ALDH1L1: variants seen among roughly 807,000 people sequenced by gnomAD.
ALDH1L1 encodes the protein aldehyde dehydrogenase 1 family member L1, also known as cytosolic 10-formyltetrahydrofolate dehydrogenase.
ALDH1L1 carries 68 observed loss-of-function variants against 101.1 expected under a neutral mutation model. That is an observed-to-expected ratio of 0.67 (90% CI 0.55 to 0.82). The LOEUF (loss-of-function observed/expected upper bound fraction) is 0.82, where lower values mean the gene tolerates loss of function less well. Among genes scored for constraint, ALDH1L1 ranks in the 40% least tolerant of loss-of-function variants. The probability of loss-of-function intolerance (pLI) is 0.00; values close to 1 mark genes in which losing one functional copy is unlikely to be tolerated. For missense variants in ALDH1L1, 1,087 were observed against 1,172.7 expected, an observed-to-expected ratio of 0.93 and a Z score of 1.07; for synonymous variants, 486 against 470.8, an observed-to-expected ratio of 1.03 and a Z score of -0.42.
At chr3:126,158,895 G>T (rs946894265) in intron 2 of ALDH1L1, among the ~76,000 whole-genome samples, 1 of 152,142 alleles carries the variant, frequency 6.6e-6, no homozygotes, top group Admixed American at 6.5e-5. Context: ...AACCCAGATG[G>T]CTGACCTCTG....
At chr3:126,138,018 C>T in intron 9 of ALDH1L1, 58 bp from the exon 10 acceptor site, 1 of 1,601,136 alleles carries the variant, frequency 6.2e-7, no homozygotes, top group Non-Finnish European at 8.5e-7. Context: ...GCCTGCATCG[C>T]TAGCAGCAGT....
At chr3:126,127,675 A>C (rs537734370) in intron 14 of ALDH1L1, among the ~76,000 whole-genome samples, 63 of 152,094 alleles carry the variant, frequency 4.1e-4, no homozygotes, top group Admixed American at 8.5e-4. Flanking sequence ...CTCACTGCTG[A>C]GGTTGCGGTG....
rs372581632 is a variant in ALDH1L1 at position 126,121,947 on chromosome 3, ACC to A, written c.1888+2415_1888+2416del. The stretch of plus-strand genomic sequence containing the variant: ...CTAAGATGCTGGGGCCCTTTCCTCC[ACC>A]CAGACCGCACTCATAAGGGGAAGAC... On this transcript the variant is annotated intron_variant, in intron 16 of 22. Coordinates refer to ENST00000393434, the MANE Select transcript of ALDH1L1 (RefSeq NM_012190.4). Among the ~76,000 whole-genome samples the A allele has an allele frequency of 2.8e-3, 432 of 152,320 alleles. 1 individual carries two copies. Among genetic ancestry groups the A allele is most frequent in the Non-Finnish European group, 4.8e-3 (328 of 68,022 alleles).
At chr3:126,126,638 C>G (rs1345623300) in intron 14 of ALDH1L1, among the ~76,000 whole-genome samples, 1 of 152,168 alleles carries the variant, frequency 6.6e-6, no homozygotes, top group Non-Finnish European at 1.5e-5. Context: ...TGAGTGTTCC[C>G]AGGGAGCAGG....
chr3:126,120,842 A>G (rs939162350), intron 16 of ALDH1L1, among the ~76,000 whole-genome samples: 1 of 152,342 alleles, frequency 6.6e-6, no homozygotes, highest in South Asian at 2.1e-4. Context: ...AAATATTTGC[A>G]AAAAGGTATC....
intron 11 of ALDH1L1, 35 bp downstream of exon 11, chr3:126,136,729 G>A (rs2080453191): frequency 1.3e-6 from 2 of 1,554,128 alleles, no homozygotes; most frequent in Non-Finnish European, 1.7e-6. Context: ...GGGAGGCTGG[G>A]GAATGTGGAG....
chr3:126,150,494 A>G lies in ALDH1L1; in HGVS notation c.896T>C (p.Met299Thr), dbSNP rs367838248. The stretch of plus-strand genomic sequence containing the variant: ...CTTAAAGAAGTTCGAGGCCAGGATC[A>G]TTTTGCCATCCTCCAGCTGAATATT... ...VKNIQLEDGKMILASNFFKGA... is the reference protein window; with the variant it reads ...VKNIQLEDGKTILASNFFKGA... The change falls in exon 8 of 23, where the codon ATG becomes ACG. Residue 299 changes from methionine (M) to threonine (T), a missense_variant. Physicochemically the swap from Met to Thr is moderately conservative, Grantham distance 81. Coordinates refer to ENST00000393434, the MANE Select transcript of ALDH1L1 (RefSeq NM_012190.4). The G allele has an allele frequency of 1.4e-5, 21 of 1,551,446 alleles. No individual in the cohort carries two copies. Among genetic ancestry groups the G allele is most frequent in the Admixed American group, 2.0e-5 (1 of 50,986 alleles).
intron 15 of ALDH1L1, 97 bp from the exon 16 acceptor site, chr3:126,124,548 CA>C: frequency 1.0e-6 from 1 of 981,858 alleles, no homozygotes; most frequent in Non-Finnish European, 1.5e-6. Context: ...AGCCCAGCAG[CA>C]AGCTGGGAGA....
intron 10 of ALDH1L1, among the ~76,000 whole-genome samples, chr3:126,137,206 A>G (rs1293931774): frequency 6.6e-6 from 1 of 151,996 alleles, no homozygotes; most frequent in Admixed American, 6.5e-5. Context: ...GCTACAACCC[A>G]CCACTCACAT....
intron 22 of ALDH1L1, chr3:126,105,093 CTA>C: frequency 7.1e-5 from 2 of 28,290 alleles, no homozygotes; most frequent in Non-Finnish European, 1.5e-4. Context: ...ACCCCGCCTG[CTA>C]TGTGCCGGTG....
intron 7 of ALDH1L1, chr3:126,151,185 C>T (rs2080800523): frequency 6.6e-6 from 1 of 152,158 alleles, no homozygotes; most frequent in African/African-American, 2.4e-5. Context: ...GTCATTCAGG[C>T]ACCACATAGA....
At position 126,130,991 on chromosome 3, in the gene ALDH1L1, G is replaced by A. The variant is rs984246786; in HGVS notation, c.1623+393C>T. 2.0e-5 allele frequency among the ~76,000 whole-genome samples: 3 copies of A among 152,246 alleles called. No homozygotes were observed. In the East Asian group the frequency reaches 5.8e-4, roughly 29 times the overall value. ...ACAGTGTCACAGGGATCCCAAGCCC[G>A]AGAGTGACCTGCTGCCGCTGGGAGA... is the stretch of plus-strand genomic sequence containing the variant. On this transcript the variant is annotated intron_variant, in intron 13 of 22. Coordinates refer to ENST00000393434, the MANE Select transcript of ALDH1L1 (RefSeq NM_012190.4).
chr3:126,109,337 G>C (rs1387797769), intron 20 of ALDH1L1, among the ~76,000 whole-genome samples: 1 of 152,200 alleles, frequency 6.6e-6, no homozygotes, highest in African/African-American at 2.4e-5. Flanking sequence ...AGCAGCAGGT[G>C]TGTGTGTCTG....
chr3:126,137,170 T>G (rs1186645414), intron 10 of ALDH1L1, among the ~76,000 whole-genome samples: 1 of 152,194 alleles, frequency 6.6e-6, no homozygotes, highest in Non-Finnish European at 1.5e-5. Context: ...CAGTGGCTAG[T>G]GAAGCCCTTG....
At chr3:126,120,075 T>G (rs149310828) in intron 16 of ALDH1L1, among the ~76,000 whole-genome samples, 50 of 152,334 alleles carry the variant, frequency 3.3e-4, no homozygotes, top group African/African-American at 8.9e-4. Flanking sequence ...TAGCAGTCAG[T>G]TTAAAAACCA....
At chr3:126,157,985 C>A (rs1263795500) in intron 3 of ALDH1L1, among the ~76,000 whole-genome samples, 1 of 152,192 alleles carries the variant, frequency 6.6e-6, no homozygotes, top group Admixed American at 6.5e-5. Context: ...CCATCTTTAT[C>A]TCTTTCTACG....
chr3:126,135,346 C>T (rs775828207), intron 12 of ALDH1L1, 189 bp downstream of exon 12: 43 of 653,222 alleles, frequency 6.6e-5, no homozygotes. Flanking sequence ...ATATCCCTTC[C>T]TCTGAGAAGC....
chr3:126,116,936 G>A (rs1001805163), intron 17 of ALDH1L1, among the ~76,000 whole-genome samples: 3 of 152,228 alleles, frequency 2.0e-5, no homozygotes, highest in Non-Finnish European at 4.4e-5. Flanking sequence ...ATGAAGACAT[G>A]AGTTGACCTA....
intron 15 of ALDH1L1, 51 bp from the exon 16 acceptor site, chr3:126,124,502 G>T: frequency 6.8e-7 from 1 of 1,477,902 alleles, no homozygotes. Flanking sequence ...TTTGAAAGTG[G>T]GGCTCTGCCT....
Sources: allele counts gnomAD v4.1 joint callset (sites outside exome capture counted in the v4.1 genomes callset), GRCh38; gene constraint gnomAD v4.1.1; transcripts MANE v1.5; gene names NCBI Gene and HGNC (gene_info 2026-07-23, HGNC 2026-07-21).